Variants in MYBBP1A observed in about 807,000 individuals in gnomAD.
The protein encoded by MYBBP1A is myb-binding protein 1A.
A neutral mutation model predicts 136.3 loss-of-function variants in MYBBP1A; 147 were observed. The observed-to-expected ratio is 1.08, with a 90% CI of 0.94 to 1.24. The LOEUF is 1.24. MYBBP1A is among the 50% of genes most tolerant of loss of function. The pLI, the probability that MYBBP1A is intolerant of heterozygous loss-of-function variation, is 0.00. For synonymous variants in MYBBP1A, 947 were observed against 735.8 expected (o/e 1.29, Z -4.65); for missense variants, 2,060 against 1,727.4 (o/e 1.19, Z -3.41).
intron 19 of MYBBP1A, 156 bp from the exon 20 acceptor site, chr17:4,543,321 C>T (rs1252966493): frequency 4.8e-6 from 5 of 1,031,158 alleles, no homozygotes; most frequent in East Asian, 2.6e-5. Flanking sequence ...GGGCCGCCTG[C>T]AGGCTGCCTG....
rs779328482 is a variant in MYBBP1A at position 4,550,327 on chromosome 17, T to C, written c.1050A>G (p.Pro350=). ...AKLPKQFKFA[P]EMDDYVGTFL... is the part of the protein sequence containing the mutation. ...AGGTGCCCACGTAATCGTCCATCTC[T>C]GGGGCAAACTTGAACTGCTTTGGGA... Residue 350 remains proline, a synonymous_variant, in exon 9 of 26, where the codon CCA becomes CCG. Coordinates refer to ENST00000254718, the MANE Select transcript of MYBBP1A (RefSeq NM_014520.4). The C allele has an allele frequency of 1.7e-5, 27 of 1,612,642 alleles. No individual in the cohort carries two copies. Among genetic ancestry groups the C allele is most frequent in the Non-Finnish European group, 2.3e-5 (27 of 1,179,766 alleles).
chr17:4,540,113 T>TGAGG, intron 25 of MYBBP1A, 146 bp from the exon 26 acceptor site: 1 of 1,186,326 alleles, frequency 8.4e-7, no homozygotes, highest in Non-Finnish European at 1.2e-6. Context: ...GAGGGTCCTA[T>TGAGG]GAGGGTCCTG....
Position 4,549,441 on chromosome 17 carries a change from G to A in MYBBP1A, c.1321C>T (p.Pro441Ser), listed in dbSNP as rs201929443. 1.1e-5 allele frequency: 17 copies of A among 1,612,112 alleles called. No homozygotes were observed. The African/African-American group carries it at 1.2e-4, about 11-fold the overall frequency. ...KKAQDSSLHMPERAVFRLRKW... is the reference protein window; with the variant it reads ...KKAQDSSLHMSERAVFRLRKW... Reference sequence around the variant, plus strand: ...CTCAGCCGGAACACAGCTCGCTCAGGCCTAGCGGGGCAGGAGGCGAGGTCA... The same window carrying A: ...CTCAGCCGGAACACAGCTCGCTCAGACCTAGCGGGGCAGGAGGCGAGGTCA... Residue 441 changes from proline (P) to serine (S), a missense_variant and splice_region_variant, in exon 10 of 26, where the codon CCT becomes TCT. By Grantham distance (74) the Pro-to-Ser change is moderately conservative. Coordinates refer to ENST00000254718, the MANE Select transcript of MYBBP1A (RefSeq NM_014520.4).
chr17:4,550,002 T>C (rs950398568), intron 9 of MYBBP1A, 56 bp downstream of exon 9: 12 of 1,548,404 alleles, frequency 7.7e-6, no homozygotes, highest in Middle Eastern at 3.5e-4. Flanking sequence ...CGCGGGGCTC[T>C]GCAGGCCTAG....
chr17:4,552,283 A>G lies in MYBBP1A; in HGVS notation c.747T>C (p.Asn249=), dbSNP rs776160816. The G allele has an allele frequency of 3.1e-6, 5 of 1,614,034 alleles. No homozygotes were observed. The highest frequency in any genetic ancestry group is 1.7e-5 in the Admixed American group (1 of 60,030). ...CAGAGGAGGCGGCCATCTTCAGCAC[A>G]TTCACCAGCCTGCGGAGGGCAAGGG... ...FSDENVPRLV[N]VLKMAASSVK... Residue 249 remains asparagine, a synonymous_variant, in exon 7 of 26, where the codon AAT becomes AAC. Transcript: ENST00000254718. The surrounding 1 kb of genome is among the most constrained non-coding windows in gnomAD (Gnocchi z 4.7).
chr17:4,554,731 G>A, intron 2 of MYBBP1A, 130 bp downstream of exon 2: 1 of 850,392 alleles, frequency 1.2e-6, no homozygotes, highest in Non-Finnish European at 1.8e-6. Flanking sequence ...TTGGCCTCCA[G>A]TCTGCTCTGC....
intron 10 of MYBBP1A, 69 bp downstream of exon 10, chr17:4,549,257 AACTAGG>A: frequency 7.6e-7 from 1 of 1,321,998 alleles, no homozygotes; most frequent in East Asian, 2.5e-5. Flanking sequence ...AGGGGATGCA[AACTAGG>A]ACGAGTTAAG....
Position 4,548,212 on chromosome 17 carries a change from A to G in MYBBP1A, c.1655T>C (p.Leu552Pro), listed in dbSNP as rs773272369. ...GGTCACGTTGTGGCTGTGATTCAACAGGAGGTCTGCGAACTGCACCAGGTG... is the reference window on the plus strand; with the variant it reads ...GGTCACGTTGTGGCTGTGATTCAACGGGAGGTCTGCGAACTGCACCAGGTG... ...TYHLVQFADL[L>P]LNHSHNVTTV... The change falls in exon 12 of 26, where the codon CTG becomes CCG. Residue 552 changes from leucine (L) to proline (P), a missense_variant. Transcript: ENST00000254718. The surrounding 1 kb of genome is among the most constrained non-coding windows in gnomAD (Gnocchi z 4.2). The G allele has an allele frequency of 2.5e-6, 4 of 1,609,426 alleles. No homozygotes were observed. The African/African-American group carries it at 4.0e-5, about 16-fold the overall frequency.
chr17:4,540,256 C>T (rs1210340764), intron 25 of MYBBP1A, 92 bp downstream of exon 25: 5 of 1,463,860 alleles, frequency 3.4e-6, no homozygotes, highest in Non-Finnish European at 4.6e-6. Context: ...TGTGCGTGTG[C>T]AGCAGCGTGT....
In MYBBP1A at chr17:4,552,748, C is replaced by G. The variant is rs1907642192; in HGVS notation, c.562-122G>C. 1 of 879,594 alleles carries G rather than the reference C, an allele frequency of 1.1e-6. No homozygotes were observed. Among genetic ancestry groups the G allele is most frequent in the Non-Finnish European group, 1.7e-6 (1 of 594,508 alleles). The allele number at this position is 879,594 out of a possible 1,614,324, so 54.5% of individuals were successfully genotyped here. A position where few individuals can be genotyped will look rare whatever the true frequency, so the allele number is the denominator to read the frequency against. On this transcript the variant is annotated intron_variant, in intron 5 of 25. Transcript: ENST00000254718. The surrounding 1 kb of genome is among the most constrained non-coding windows in gnomAD (Gnocchi z 4.7). ...TATCAGAGTCATCAGAGGCCAGTTG[C>G]TAACAAAACTCAAATTCCCAGGCAG... is the stretch of plus-strand genomic sequence containing the variant.
chr17:4,545,001 C>A (rs114480019), intron 17 of MYBBP1A, 25 bp downstream of exon 17: 23 of 1,251,942 alleles, frequency 1.8e-5, no homozygotes, highest in Admixed American at 1.0e-4. Flanking sequence ...CCCCGGCCGC[C>A]CCCCCCTCCA....
intron 19 of MYBBP1A, 103 bp from the exon 20 acceptor site, chr17:4,543,268 C>T (rs2144437922): frequency 8.4e-6 from 12 of 1,434,406 alleles, no homozygotes; most frequent in Non-Finnish European, 9.2e-7. Flanking sequence ...GGAAACAGAC[C>T]TAGAAGACGA....
intron 22 of MYBBP1A, 50 bp downstream of exon 22, chr17:4,542,414 A>G: frequency 6.4e-7 from 1 of 1,552,302 alleles, no homozygotes; most frequent in South Asian, 1.2e-5. Flanking sequence ...AAGAGGGTTA[A>G]GCGGGTTAAT....
In MYBBP1A at chr17:4,541,868, G is replaced by A. The variant is rs1211368043; in HGVS notation, c.3111C>T (p.Thr1037=). 5.0e-6 allele frequency: 8 copies of A among 1,613,874 alleles called. No homozygotes were observed. Among genetic ancestry groups the A allele is most frequent in the South Asian group, 1.1e-5 (1 of 91,082 alleles). Residue 1037 remains threonine (T), a synonymous_variant, in exon 23 of 26, where the codon ACC becomes ACT. Coordinates refer to ENST00000254718, the MANE Select transcript of MYBBP1A (RefSeq NM_014520.4). ...RHQACLLLQK[T]LSMREVRSCF... Reference sequence around the variant, plus strand: ...ACGACCTCACCTCCCGCATGGACAGGGTCTTCTGGAGCAGCAGGCAGGCCT... The same window carrying A: ...ACGACCTCACCTCCCGCATGGACAGAGTCTTCTGGAGCAGCAGGCAGGCCT...
chr17:4,541,997 G>GT (rs1368373506), intron 22 of MYBBP1A, 106 bp from the exon 23 acceptor site: 2 of 787,864 alleles, frequency 2.5e-6, no homozygotes, highest in Non-Finnish European at 4.1e-6. Context: ...TGTGGGCAGC[G>GT]TGTGAGGCTG....
At chr17:4,554,303 G>A (rs772825722) in intron 2 of MYBBP1A, 25 bp from the exon 3 acceptor site, 2 of 1,608,904 alleles carry the variant, frequency 1.2e-6, no homozygotes. Context: ...GTGGCAGGAG[G>A]AAGAGGGTTC....
At chr17:4,549,843 T>A (rs1907346862) in intron 9 of MYBBP1A, among the ~76,000 whole-genome samples, 1 of 147,126 alleles carries the variant, frequency 6.8e-6, no homozygotes, top group Non-Finnish European at 1.5e-5. Flanking sequence ...CTTTGCCTGA[T>A]CTCAGAGACA....
chr17:4,544,535 A>AGCT lies in MYBBP1A; in HGVS notation c.2590_2592dup (p.Ser865dup), dbSNP rs771197815. ...TGCAGAAGGTCCTGCTCCTGTTTGG[A>AGCT]GCTGCTGCTGCGCAGGCTGCGCCGG... On this transcript the variant is annotated inframe_insertion, in exon 19 of 26. Transcript: ENST00000254718. The AGCT allele has an allele frequency of 3.9e-5, 61 of 1,555,758 alleles. No individual in the cohort carries two copies. The highest frequency in any genetic ancestry group is 3.4e-4 in the Middle Eastern group (2 of 5,942).
chr17:4,542,517 G>C lies in MYBBP1A; in HGVS notation c.3034C>G (p.Leu1012Val), dbSNP rs756748561. Reference sequence around the variant, plus strand: ...ATATGCTGGACCAGGATGGGGAGCAGGCTCTGACAGAGCACCTGGTGGGGA... The same window carrying C: ...ATATGCTGGACCAGGATGGGGAGCACGCTCTGACAGAGCACCTGGTGGGGA... ...FSRHPVLCQS[L>V]LPILVQHITG... is the part of the protein sequence containing the mutation. Residue 1012 changes from leucine (L) to valine (V), a missense_variant, in exon 22 of 26, where the codon CTG becomes GTG. Leu to Val is a conservative substitution (Grantham distance 32, BLOSUM62 1). Coordinates refer to ENST00000254718, the MANE Select transcript of MYBBP1A (RefSeq NM_014520.4). 4 of 1,612,402 alleles carry C rather than the reference G, an allele frequency of 2.5e-6. No homozygotes were observed. In the African/African-American group the frequency reaches 5.3e-5, roughly 22 times the overall value.
Sources: allele counts gnomAD v4.1 joint callset (sites outside exome capture counted in the v4.1 genomes callset), GRCh38; gene constraint gnomAD v4.1.1; non-coding constraint Gnocchi (gnomAD v3.1); transcripts MANE v1.5; gene names NCBI Gene and HGNC (gene_info 2026-07-23, HGNC 2026-07-21).